Variants in KIF20B observed in about 807,000 individuals in gnomAD.
KIF20B encodes kinesin family member 20B.
In KIF20B, 188 loss-of-function variants were observed where a neutral mutation model predicts 232.5. That is an observed-to-expected ratio of 0.81 (90% confidence interval 0.72 to 0.91). The LOEUF is 0.91. KIF20B is among the 40% of genes least tolerant of loss of function. The pLI, the probability that KIF20B is intolerant of heterozygous loss-of-function variation, is 0.00. For missense variants in KIF20B, 2,154 were observed against 2,055.9 expected (o/e 1.05, Z -0.92); for synonymous variants, 712 against 683.0 (o/e 1.04, Z -0.66).
intron 9 of KIF20B, among the ~76,000 whole-genome samples, 190 bp from the exon 10 acceptor site, chr10:89,717,234 G>A (rs1053054654): frequency 6.6e-6 from 1 of 152,178 alleles, no homozygotes; most frequent in Non-Finnish European, 1.5e-5. Context: ...GGCAAAAGGT[G>A]ATTTTAGGCA....
intron 26 of KIF20B, among the ~76,000 whole-genome samples, chr10:89,757,067 T>TATATATATATATATATAC (rs1842143769): frequency 2.3e-5 from 3 of 132,054 alleles, no homozygotes; most frequent in South Asian, 5.3e-4. Context: ...TATATATATA[T>TATATATATATATATATAC]ATACACACAT....
At chr10:89,726,558 A>G in intron 16 of KIF20B, 37 bp downstream of exon 16, 1 of 1,453,844 alleles carries the variant, frequency 6.9e-7, no homozygotes, top group Non-Finnish European at 9.2e-7. Flanking sequence ...TAGATATTGT[A>G]AACACATAAA....
At chr10:89,707,623 C>T (rs1212054473) in intron 2 of KIF20B, among the ~76,000 whole-genome samples, 1 of 150,568 alleles carries the variant, frequency 6.6e-6, no homozygotes, top group African/African-American at 2.4e-5. Flanking sequence ...CTTTCCCTTA[C>T]CCCTCCTTTT....
intron 15 of KIF20B, among the ~76,000 whole-genome samples, chr10:89,725,873 G>A (rs1171006503): frequency 6.6e-6 from 1 of 152,046 alleles, no homozygotes; most frequent in African/African-American, 2.4e-5. Context: ...TCAAGTGCCT[G>A]TGACAGTGAT....
intron 21 of KIF20B, among the ~76,000 whole-genome samples, chr10:89,739,357 CA>C (rs1293873820): frequency 1.3e-5 from 2 of 151,992 alleles, no homozygotes; most frequent in Non-Finnish European, 2.9e-5. Flanking sequence ...TAAGTCCTTA[CA>C]AAAAAGTGGA....
At chr10:89,758,579 C>G (rs923802645) in intron 26 of KIF20B, 127 bp from the exon 27 acceptor site, 3 of 532,240 alleles carry the variant, frequency 5.6e-6, no homozygotes, top group African/African-American at 2.0e-5. Context: ...TTTATCTAGA[C>G]TACTTAATTT....
intron 23 of KIF20B, among the ~76,000 whole-genome samples, chr10:89,747,677 A>G (rs1841942643): frequency 6.6e-6 from 1 of 150,556 alleles, no homozygotes. Flanking sequence ...GTAGGTGGGA[A>G]TTGAACAATG....
At chr10:89,770,555 C>G (rs1157652395) in intron 31 of KIF20B, among the ~76,000 whole-genome samples, 2 of 151,922 alleles carry the variant, frequency 1.3e-5, no homozygotes, top group Non-Finnish European at 2.9e-5. Flanking sequence ...TCTCTTACTT[C>G]ATTGACTTGG....
intron 29 of KIF20B, among the ~76,000 whole-genome samples, chr10:89,765,883 A>T (rs1171686194): frequency 6.6e-6 from 1 of 152,080 alleles, no homozygotes; most frequent in African/African-American, 2.4e-5. Context: ...TGTTAGTCTG[A>T]TGGGCTTCCC....
At chr10:89,758,939 C>T in intron 27 of KIF20B, 57 bp downstream of exon 27, 1 of 1,087,626 alleles carries the variant, frequency 9.2e-7, no homozygotes, top group South Asian at 2.6e-5. Flanking sequence ...ACTTAATTGA[C>T]TAACTCTTAA....
At position 89,774,583 on chromosome 10, in the gene KIF20B, G is replaced by A. The variant is rs993480002; in HGVS notation, c.*535G>A. The A allele has an allele frequency of 5.9e-5, 9 of 151,804 alleles. No individual in the cohort carries two copies. The highest frequency in any genetic ancestry group is 2.2e-4 in the African/African-American group (9 of 41,326). The allele number at this position is 151,804 out of a possible 1,614,324, so 9.4% of individuals were successfully genotyped here. On this transcript the variant is annotated 3_prime_UTR_variant, in exon 33 of 33. Transcript: ENST00000371728. Reference sequence around the variant, plus strand: ...ACATAGTACATGTATATATTTACGGGGTATGTGAGATGTTTTGACACAGGC... The same window carrying A: ...ACATAGTACATGTATATATTTACGGAGTATGTGAGATGTTTTGACACAGGC...
intron 21 of KIF20B, among the ~76,000 whole-genome samples, chr10:89,741,438 A>C (rs528032722): frequency 9.2e-5 from 14 of 152,192 alleles, no homozygotes; most frequent in Non-Finnish European, 1.8e-4. Context: ...ATAGATGACT[A>C]TTTAACATTA....
Position 89,719,543 on chromosome 10 carries a change from T to G in KIF20B, c.1559T>G (p.Ile520Ser). 6.2e-7 allele frequency: 1 copy of G among 1,613,426 alleles called. No homozygotes were observed. The highest frequency in any genetic ancestry group is 8.5e-7 in the Non-Finnish European group (1 of 1,179,580). Residue 520 changes from isoleucine to serine, a missense_variant, in exon 13 of 33, where the codon ATT becomes AGT. Ile to Ser is a moderately radical substitution (Grantham distance 142). Transcript: ENST00000371728. ...ATATTAAATGTAAAAAGAGCCACCATTTCATGGGAAAATAGTCTAGAAGAT... is the reference window on the plus strand; with the variant it reads ...ATATTAAATGTAAAAAGAGCCACCAGTTCATGGGAAAATAGTCTAGAAGAT... ...SKILNVKRAT[I>S]SWENSLEDLM...
chr10:89,734,546 T>C (rs1841602029), intron 19 of KIF20B, among the ~76,000 whole-genome samples: 1 of 152,232 alleles, frequency 6.6e-6, no homozygotes, highest in African/African-American at 2.4e-5. Flanking sequence ...TTCCTTTATT[T>C]TGCTCATAAC....
At chr10:89,720,945 C>T (rs964343066) in intron 13 of KIF20B, among the ~76,000 whole-genome samples, 5 of 152,040 alleles carry the variant, frequency 3.3e-5, no homozygotes, top group African/African-American at 9.7e-5. Flanking sequence ...CCTGACCTTG[C>T]GATTGCCCGC....
chr10:89,745,797 A>G, intron 22 of KIF20B, 102 bp from the exon 23 acceptor site: 1 of 735,850 alleles, frequency 1.4e-6, no homozygotes, highest in East Asian at 2.7e-5. Flanking sequence ...TATATAGGAG[A>G]CTGATTTCAA....
chr10:89,773,988 A>G lies in KIF20B; in HGVS notation c.5403A>G (p.Lys1801=), dbSNP rs768232438. ...AATTTCAGATTTTAATGGACCAGAAAATGAAGGAGAGTGATCACCAGATTA... is the reference window on the plus strand; with the variant it reads ...AATTTCAGATTTTAATGGACCAGAAGATGAAGGAGAGTGATCACCAGATTA... ...ISGQVILMDQ[K]MKESDHQIIK... The change falls in exon 33 of 33, where the codon AAA becomes AAG. Residue 1801 remains lysine (K), a synonymous_variant. Transcript: ENST00000371728. 1 of 1,572,496 alleles carries G rather than the reference A, an allele frequency of 6.4e-7. No individual in the cohort carries two copies. The highest frequency in any genetic ancestry group is 8.6e-7 in the Non-Finnish European group (1 of 1,157,668).
intron 30 of KIF20B, 75 bp from the exon 31 acceptor site, chr10:89,768,663 T>C: frequency 7.4e-7 from 1 of 1,359,236 alleles, no homozygotes; most frequent in Non-Finnish European, 1.0e-6. Context: ...CTGGCCTCTT[T>C]AATTCAGCTG....
rs562363742 is a variant in KIF20B, at chr10:89,766,080, A to C, written c.4990-2210A>C. Among the ~76,000 whole-genome samples the C allele has an allele frequency of 1.6e-3, 239 of 152,230 alleles. 1 individual carries two copies. The highest frequency in any genetic ancestry group is 5.4e-3 in the African/African-American group (225 of 41,540). ...CTAGATTGAGGAAGTTCTCCTGGATAATATCCTGCAGAATGTTTTCCAACT... is the reference window on the plus strand; with the variant it reads ...CTAGATTGAGGAAGTTCTCCTGGATCATATCCTGCAGAATGTTTTCCAACT... On this transcript the variant is annotated intron_variant, in intron 29 of 32. Coordinates refer to ENST00000371728, the MANE Select transcript of KIF20B (RefSeq NM_001284259.2).
Sources: allele counts gnomAD v4.1 joint callset (sites outside exome capture counted in the v4.1 genomes callset), GRCh38; gene constraint gnomAD v4.1.1; transcripts MANE v1.5; gene names NCBI Gene and HGNC (gene_info 2026-07-23, HGNC 2026-07-21).